The following FIGN variants were observed in gnomAD, a reference collection of about 807,000 sequenced individuals.
The protein encoded by FIGN is fidgetin, microtubule severing factor, also known as fidgetin.
A neutral mutation model predicts 51.3 loss-of-function variants in FIGN; 11 were observed. That is an observed-to-expected ratio of 0.21 (90% CI 0.13 to 0.35). The LOEUF (loss-of-function observed/expected upper bound fraction) is 0.35, where lower values mean the gene tolerates loss of function less well. FIGN is among the 10% of genes least tolerant of loss of function. The pLI is 1.00. For missense variants in FIGN, 857 were observed against 943.6 expected, an observed-to-expected ratio of 0.91 and a Z score of 1.20; for synonymous variants, 407 against 363.2, an observed-to-expected ratio of 1.12 and a Z score of -1.37.
intron 2 of FIGN, among the ~76,000 whole-genome samples, chr2:163,718,963 C>G (rs1684712985): frequency 6.6e-6 from 1 of 152,084 alleles, no homozygotes. Context: ...CATTATAGGT[C>G]TACCCTCAAT....
At chr2:163,659,738 C>T (rs547639782) in intron 2 of FIGN, among the ~76,000 whole-genome samples, 16 of 152,134 alleles carry the variant, frequency 1.1e-4, no homozygotes, top group Non-Finnish European at 1.5e-4. Context: ...TGTTGGGAAA[C>T]ACAAATCAGA....
At chr2:163,724,539 G>A (rs991981572) in intron 2 of FIGN, among the ~76,000 whole-genome samples, 1 of 151,718 alleles carries the variant, frequency 6.6e-6, no homozygotes, top group African/African-American at 2.4e-5. Flanking sequence ...TGCTTGTTTG[G>A]GGCTTTAGTT....
Position 163,610,356 on chromosome 2 carries a change from G to A in FIGN, c.1476C>T (p.Asp492=), listed in dbSNP as rs201022440. The A allele has an allele frequency of 5.0e-6, 8 of 1,613,998 alleles. No individual in the cohort carries two copies. In the East Asian group the frequency reaches 1.3e-4, roughly 27 times the overall value. The part of the protein sequence containing the change: ...PVDWNDIAGL[D]LVKAVIKEEV... The stretch of plus-strand genomic sequence containing the variant: ...CCTCTTTAATGACAGCCTTCACCAG[G>A]TCGAGACCAGCAATGTCATTCCAGT... Residue 492 remains aspartate, a synonymous_variant, in exon 3 of 3, where the codon GAC becomes GAT. Coordinates refer to ENST00000333129, the MANE Select transcript of FIGN (RefSeq NM_018086.4).
Position 163,609,477 on chromosome 2 carries a change from G to A in FIGN, c.*75C>T. 3 of 1,270,422 alleles carry A rather than the reference G, an allele frequency of 2.4e-6. No homozygotes were observed. The highest frequency in any genetic ancestry group is 3.3e-6 in the Non-Finnish European group (3 of 916,644). 78.7% of individuals were successfully genotyped at this position (1,270,422 alleles called of 1,614,324 possible). On this transcript the variant is annotated 3_prime_UTR_variant, in exon 3 of 3. Transcript: ENST00000333129. ...TGCAATTTAAACTCTACTGGAAAGG[G>A]GCTCTATTCCCTATGTAGCAGGTTT...
chr2:163,719,010 T>A (rs1393600375), intron 2 of FIGN, among the ~76,000 whole-genome samples: 4 of 152,154 alleles, frequency 2.6e-5, no homozygotes, highest in Non-Finnish European at 4.4e-5. Context: ...ATATGAATAA[T>A]CATTGCCTGT....
chr2:163,699,824 T>A (rs1280709893), intron 2 of FIGN, among the ~76,000 whole-genome samples: 1 of 152,154 alleles, frequency 6.6e-6, no homozygotes, highest in Non-Finnish European at 1.5e-5. Flanking sequence ...GACCTGATAT[T>A]CAGGAGGCTG....
intron 2 of FIGN, among the ~76,000 whole-genome samples, chr2:163,692,728 GA>G (rs1283027010): frequency 5.9e-5 from 9 of 152,042 alleles, no homozygotes; most frequent in South Asian, 4.1e-4. Flanking sequence ...ATGTTAAAAA[GA>G]AAAAAACAAA....
At chr2:163,699,546 T>C (rs1684375472) in intron 2 of FIGN, among the ~76,000 whole-genome samples, 1 of 152,098 alleles carries the variant, frequency 6.6e-6, no homozygotes, top group South Asian at 2.1e-4. Flanking sequence ...TCTTACCTTG[T>C]TTTACATTTA....
chr2:163,670,890 T>C (rs1341712685), intron 2 of FIGN, among the ~76,000 whole-genome samples: 1 of 152,226 alleles, frequency 6.6e-6, no homozygotes, highest in Non-Finnish European at 1.5e-5. Context: ...CATTAGCCTT[T>C]ACGACAAGAC....
chr2:163,734,758 G>A (rs1344196807), intron 2 of FIGN, 145 bp downstream of exon 2: 2 of 638,044 alleles, frequency 3.1e-6, no homozygotes, highest in Non-Finnish European at 5.1e-6. Flanking sequence ...AAAAAGCATG[G>A]TGACATTAAA....
chr2:163,604,981 G>A lies in FIGN; in HGVS notation c.*4571C>T, dbSNP rs950019409. 9.7e-6 allele frequency: 1 copy of A among 103,106 alleles called. No homozygotes were observed. Among genetic ancestry groups the A allele is most frequent in the Admixed American group, 1.6e-4 (1 of 6,422 alleles). The allele number at this position is 103,106 out of a possible 1,614,324, so 6.4% of individuals were successfully genotyped here. ...GTATCATAAGACAACAAGAAGGAAT[G>A]AATGTGCTCCCAACCTTGGTGTACT... is the stretch of plus-strand genomic sequence containing the variant. On this transcript the variant is annotated 3_prime_UTR_variant, in exon 3 of 3. Coordinates refer to ENST00000333129, the MANE Select transcript of FIGN (RefSeq NM_018086.4).
chr2:163,704,658 A>ATCT (rs1684469434), intron 2 of FIGN, among the ~76,000 whole-genome samples: 6 of 60,208 alleles, frequency 1.0e-4, no homozygotes, highest in African/African-American at 3.0e-4. Context: ...TCTCTCTCTC[A>ATCT]CACACACACA....
intron 2 of FIGN, among the ~76,000 whole-genome samples, chr2:163,671,634 C>T (rs1683877953): frequency 6.6e-6 from 1 of 152,102 alleles, no homozygotes; most frequent in African/African-American, 2.4e-5. Context: ...AAACATTTTC[C>T]AGAAAGTAAC....
intron 2 of FIGN, among the ~76,000 whole-genome samples, chr2:163,695,104 C>T (rs1684296066): frequency 6.6e-6 from 1 of 152,172 alleles, no homozygotes; most frequent in Non-Finnish European, 1.5e-5. Context: ...TGTCAATTTT[C>T]AGAATGTCCA....
rs115857061 is a variant in FIGN, at chr2:163,672,891, T to C, written c.26-61085A>G. Among the ~76,000 whole-genome samples the C allele has an allele frequency of 6.9e-3, 1,044 of 152,290 alleles. 8 individuals carry two copies. The highest frequency in any genetic ancestry group is 0.024 in the African/African-American group (1,015 of 41,546). ...CACATTTATTTGAATGAGATGTATTTTACCTTAATTTCTTTAAATGGCCAT... is the reference window on the plus strand; with the variant it reads ...CACATTTATTTGAATGAGATGTATTCTACCTTAATTTCTTTAAATGGCCAT... On this transcript the variant is annotated intron_variant, in intron 2 of 2. Coordinates refer to ENST00000333129, the MANE Select transcript of FIGN (RefSeq NM_018086.4).
chr2:163,710,290 G>GA (rs1323835917), intron 2 of FIGN, among the ~76,000 whole-genome samples: 4 of 152,056 alleles, frequency 2.6e-5, no homozygotes, highest in Non-Finnish European at 4.4e-5. Flanking sequence ...ATGATCCTTA[G>GA]AAAAAAATAC....
At chr2:163,668,021 C>CCCG (rs1559015046) in intron 2 of FIGN, among the ~76,000 whole-genome samples, 3 of 149,538 alleles carry the variant, frequency 2.0e-5, no homozygotes, top group Admixed American at 6.6e-5. Flanking sequence ...CCAACCCCCC[C>CCCG]CCCCAAAAAA....
chr2:163,722,694 A>G (rs1304184226), intron 2 of FIGN, among the ~76,000 whole-genome samples: 1 of 152,120 alleles, frequency 6.6e-6, no homozygotes, highest in Non-Finnish European at 1.5e-5. Context: ...AGAGATACAA[A>G]AATAGAATTA....
chr2:163,608,722 C>T lies in FIGN; in HGVS notation c.*830G>A, dbSNP rs1432584239. The T allele has an allele frequency of 2.0e-5, 3 of 152,582 alleles. No individual in the cohort carries two copies. The highest frequency in any genetic ancestry group is 7.2e-5 in the African/African-American group (3 of 41,464). 9.5% of individuals were successfully genotyped at this position (152,582 alleles called of 1,614,324 possible). ...ACTTAAAAAAATCCTTCCATTTCTACTTTAAACTGTAAATATTCAGTTGTA... is the reference window on the plus strand; with the variant it reads ...ACTTAAAAAAATCCTTCCATTTCTATTTTAAACTGTAAATATTCAGTTGTA... On this transcript the variant is annotated 3_prime_UTR_variant, in exon 3 of 3. Transcript: ENST00000333129.
Sources: allele counts gnomAD v4.1 joint callset (sites outside exome capture counted in the v4.1 genomes callset), GRCh38; gene constraint gnomAD v4.1.1; transcripts MANE v1.5; gene names NCBI Gene and HGNC (gene_info 2026-07-23, HGNC 2026-07-21).